Variants in DTWD2 observed in about 807,000 individuals in gnomAD.
The protein encoded by DTWD2 is tRNA-uridine aminocarboxypropyltransferase 2.
Under a neutral mutation model 31.8 loss-of-function variants are expected in DTWD2, and 39 were observed. The ratio of observed to expected loss-of-function variants is 1.22; its 90% CI spans 0.95 to 1.60. The LOEUF (loss-of-function observed/expected upper bound fraction) is 1.60, where lower values mean the gene tolerates loss of function less well. Ranked by LOEUF, DTWD2 falls within the 40% of genes most tolerant of loss-of-function variation. The pLI, the probability that DTWD2 is intolerant of heterozygous loss-of-function variation, is 0.00. For synonymous variants in DTWD2, 180 were observed against 142.8 expected (o/e 1.26, Z -1.86); for missense variants, 515 against 381.5 (o/e 1.35, Z -2.92).
intron 4 of DTWD2, among the ~76,000 whole-genome samples, chr5:118,893,810 G>A (rs1753025884): frequency 6.6e-6 from 1 of 152,060 alleles, no homozygotes; most frequent in Non-Finnish European, 1.5e-5. Context: ...CTAGAATCCG[G>A]GAACAGCCAT....
At chr5:118,889,253 T>C (rs534026781) in intron 4 of DTWD2, among the ~76,000 whole-genome samples, 1 of 152,210 alleles carries the variant, frequency 6.6e-6, no homozygotes, top group South Asian at 2.1e-4. Context: ...ATTCATCTCA[T>C]ATAAAGATAA....
chr5:118,964,547 C>T (rs1217738309), intron 1 of DTWD2, among the ~76,000 whole-genome samples: 2 of 151,722 alleles, frequency 1.3e-5, no homozygotes, highest in Non-Finnish European at 2.9e-5. Context: ...CTGCCTGATG[C>T]TCCTGCCTCA....
intron 3 of DTWD2, among the ~76,000 whole-genome samples, chr5:118,931,135 G>A (rs932076573): frequency 6.6e-6 from 1 of 151,986 alleles, no homozygotes; most frequent in South Asian, 2.1e-4. Context: ...GCTCACCCCT[G>A]TAATCCCAGC....
intron 4 of DTWD2, among the ~76,000 whole-genome samples, chr5:118,857,170 T>G (rs1467510087): frequency 6.6e-6 from 1 of 152,136 alleles, no homozygotes; most frequent in Admixed American, 6.6e-5. Flanking sequence ...TAAGCGATCT[T>G]AACAGCAGTC....
At chr5:118,936,118 C>A (rs187076521) in intron 3 of DTWD2, among the ~76,000 whole-genome samples, 11 of 152,106 alleles carry the variant, frequency 7.2e-5, no homozygotes, top group Admixed American at 5.9e-4. Context: ...GGAAATTAAG[C>A]GACACACTCC....
chr5:118,877,410 T>C (rs1561437470), intron 4 of DTWD2, among the ~76,000 whole-genome samples: 1 of 151,810 alleles, frequency 6.6e-6, no homozygotes, highest in East Asian at 1.9e-4. Context: ...AGATGGAGCT[T>C]GCAGTGAGCG....
intron 4 of DTWD2, among the ~76,000 whole-genome samples, chr5:118,913,119 C>T (rs1187415954): frequency 3.9e-5 from 6 of 152,040 alleles, no homozygotes; most frequent in Admixed American, 2.6e-4. Context: ...TCAGGGTCAT[C>T]GCCAAGGTCT....
chr5:118,966,970 G>A (rs906850493), intron 1 of DTWD2, among the ~76,000 whole-genome samples: 6 of 151,234 alleles, frequency 4.0e-5, no homozygotes, highest in African/African-American at 9.8e-5. Flanking sequence ...GGTAGAGGTT[G>A]CAGTGAGCCA....
At chr5:118,924,995 G>A (rs781261471) in intron 4 of DTWD2, among the ~76,000 whole-genome samples, 4 of 152,134 alleles carry the variant, frequency 2.6e-5, no homozygotes, top group Non-Finnish European at 5.9e-5. Context: ...CAATGCATTA[G>A]CTATTTTTTA....
chr5:118,902,993 C>A (rs1753250124), intron 4 of DTWD2, among the ~76,000 whole-genome samples: 1 of 151,968 alleles, frequency 6.6e-6, no homozygotes, highest in South Asian at 2.1e-4. Flanking sequence ...CACATCATAA[C>A]TAAAACAGAT....
At chr5:118,881,415 A>T (rs1752737385) in intron 4 of DTWD2, among the ~76,000 whole-genome samples, 1 of 152,244 alleles carries the variant, frequency 6.6e-6, no homozygotes, top group Admixed American at 6.5e-5. Flanking sequence ...TTATATGAGT[A>T]TTAATAATTT....
At chr5:118,896,511 A>G (rs1753087752) in intron 4 of DTWD2, among the ~76,000 whole-genome samples, 1 of 152,200 alleles carries the variant, frequency 6.6e-6, no homozygotes, top group Non-Finnish European at 1.5e-5. Flanking sequence ...GAGCCAAAAA[A>G]AGATGTAACA....
chr5:118,945,227 A>G (rs1754304753), intron 1 of DTWD2, among the ~76,000 whole-genome samples: 1 of 152,068 alleles, frequency 6.6e-6, no homozygotes, highest in African/African-American at 2.4e-5. Flanking sequence ...ACCTTTTCTT[A>G]CTGCTTGTCA....
At chr5:118,950,361 G>C (rs1418540517) in intron 1 of DTWD2, among the ~76,000 whole-genome samples, 4 of 152,138 alleles carry the variant, frequency 2.6e-5, no homozygotes, top group Admixed American at 2.6e-4. Flanking sequence ...AATGTGGAGT[G>C]GGTAGTCTCT....
intron 1 of DTWD2, among the ~76,000 whole-genome samples, chr5:118,977,616 T>C (rs1755195266): frequency 6.6e-6 from 1 of 152,008 alleles, no homozygotes; most frequent in South Asian, 2.1e-4. Flanking sequence ...AATGCCTAGA[T>C]ATAGAGCTAA....
chr5:118,910,277 A>G (rs986855283), intron 4 of DTWD2, among the ~76,000 whole-genome samples: 35 of 152,108 alleles, frequency 2.3e-4, no homozygotes, highest in Non-Finnish European at 5.9e-5. Flanking sequence ...TCGCTTAGAG[A>G]TTTCTTCCAC....
At chr5:118,934,893 A>C (rs1754002601) in intron 3 of DTWD2, among the ~76,000 whole-genome samples, 1 of 152,214 alleles carries the variant, frequency 6.6e-6, no homozygotes, top group South Asian at 2.1e-4. Flanking sequence ...GACATTTGTG[A>C]TATTGTGAAA....
At chr5:118,921,867 T>C (rs1485536426) in intron 4 of DTWD2, among the ~76,000 whole-genome samples, 1 of 152,148 alleles carries the variant, frequency 6.6e-6, no homozygotes, top group Non-Finnish European at 1.5e-5. Flanking sequence ...TGTTTGGCAA[T>C]AGATCAGATA....
chr5:118,905,272 T>C (rs1423947425), intron 4 of DTWD2, among the ~76,000 whole-genome samples: 1 of 152,146 alleles, frequency 6.6e-6, no homozygotes, highest in Non-Finnish European at 1.5e-5. Context: ...ATTTCCAGTT[T>C]AGCTTTAAGA....
Sources: allele counts gnomAD v4.1 joint callset (sites outside exome capture counted in the v4.1 genomes callset), GRCh38; gene constraint gnomAD v4.1.1; transcripts MANE v1.5; gene names NCBI Gene and HGNC (gene_info 2026-07-23, HGNC 2026-07-21).